Variants in HS3ST4 observed in about 807,000 individuals in gnomAD.
HS3ST4 encodes heparan sulfate-glucosamine 3-sulfotransferase 4.
In HS3ST4, 17 loss-of-function variants were observed where a neutral mutation model predicts 29.2. The ratio of observed to expected loss-of-function variants is 0.58; its 90% CI spans 0.40 to 0.87. The LOEUF (loss-of-function observed/expected upper bound fraction) is 0.87, where lower values mean the gene tolerates loss of function less well. Ranked by LOEUF, HS3ST4 falls within the 40% of genes least tolerant of loss-of-function variation. The pLI is 0.00. For synonymous variants in HS3ST4, 314 were observed against 285.7 expected (o/e 1.10, Z -1.00); for missense variants, 627 against 634.5 (o/e 0.99, Z 0.13).
chr16:26,125,588 A>T (rs971115920), intron 1 of HS3ST4, among the ~76,000 whole-genome samples: 1 of 152,244 alleles, frequency 6.6e-6, no homozygotes, highest in Admixed American at 6.5e-5. Flanking sequence ...CAAGAAAAGC[A>T]TGGAAATAAT....
intron 1 of HS3ST4, among the ~76,000 whole-genome samples, chr16:26,102,002 T>C (rs1191292518): frequency 6.6e-6 from 1 of 152,208 alleles, no homozygotes; most frequent in Admixed American, 6.5e-5. Context: ...GTTTTCCAAA[T>C]GCACTACATT....
chr16:25,930,477 C>T (rs1032493696), intron 1 of HS3ST4, among the ~76,000 whole-genome samples: 2 of 152,184 alleles, frequency 1.3e-5, no homozygotes, highest in African/African-American at 4.8e-5. Context: ...CTTTCTTTGC[C>T]TAATGCTTTA....
chr16:26,123,222 A>G (rs1325135583), intron 1 of HS3ST4, among the ~76,000 whole-genome samples: 1 of 152,192 alleles, frequency 6.6e-6, no homozygotes, highest in Non-Finnish European at 1.5e-5. Context: ...TCTTATAAAT[A>G]AATAAGAGAT....
At chr16:25,998,096 C>G (rs1969172739) in intron 1 of HS3ST4, among the ~76,000 whole-genome samples, 1 of 151,812 alleles carries the variant, frequency 6.6e-6, no homozygotes, top group African/African-American at 2.4e-5. Flanking sequence ...AACAAACAAA[C>G]AAAAACACCT....
At chr16:25,976,967 T>G (rs1040929172) in intron 1 of HS3ST4, among the ~76,000 whole-genome samples, 1 of 152,176 alleles carries the variant, frequency 6.6e-6, no homozygotes, top group South Asian at 2.1e-4. Context: ...ATGTTTAAAC[T>G]ATTTAATAAT....
At chr16:25,945,032 A>G (rs1451969765) in intron 1 of HS3ST4, among the ~76,000 whole-genome samples, 4 of 152,230 alleles carry the variant, frequency 2.6e-5, no homozygotes, top group Non-Finnish European at 5.9e-5. Context: ...ACAAAACAGA[A>G]TATTAGATAG....
chr16:26,034,706 A>T (rs1234570780), intron 1 of HS3ST4, among the ~76,000 whole-genome samples: 1 of 151,776 alleles, frequency 6.6e-6, no homozygotes, highest in East Asian at 1.9e-4. Flanking sequence ...AGGATTTTGG[A>T]TTACAGATGT....
At chr16:26,060,017 A>G (rs550211527) in intron 1 of HS3ST4, among the ~76,000 whole-genome samples, 1 of 152,206 alleles carries the variant, frequency 6.6e-6, no homozygotes, top group African/African-American at 2.4e-5. Flanking sequence ...TGACCTTGTG[A>G]TCTGCCCGCC....
intron 1 of HS3ST4, among the ~76,000 whole-genome samples, chr16:26,068,658 G>T (rs533849454): frequency 6.6e-6 from 1 of 151,904 alleles, no homozygotes; most frequent in African/African-American, 2.4e-5. Flanking sequence ...TCAAGTGGTC[G>T]TTTGACTTTT....
chr16:25,817,482 G>T (rs544656653), intron 1 of HS3ST4, among the ~76,000 whole-genome samples: 34 of 152,288 alleles, frequency 2.2e-4, no homozygotes, highest in African/African-American at 7.9e-4. Context: ...ATATGTCTGT[G>T]TTCTAATAAA....
chr16:26,054,691 G>T (rs1207055978), intron 1 of HS3ST4, among the ~76,000 whole-genome samples: 1 of 152,174 alleles, frequency 6.6e-6, no homozygotes, highest in Non-Finnish European at 1.5e-5. Flanking sequence ...TCAGGGTCCA[G>T]AGTTTCAAGA....
chr16:26,110,139 A>G (rs1596684539), intron 1 of HS3ST4, among the ~76,000 whole-genome samples: 2 of 152,162 alleles, frequency 1.3e-5, no homozygotes. Flanking sequence ...AAGTAAGATC[A>G]TGAGGTATTT....
At chr16:25,776,799 C>G (rs1474898290) in intron 1 of HS3ST4, among the ~76,000 whole-genome samples, 2 of 152,174 alleles carry the variant, frequency 1.3e-5, no homozygotes, top group African/African-American at 4.8e-5. Context: ...TCTCTCCTGG[C>G]CTCGACAATG....
chr16:26,047,123 T>C (rs1057353249), intron 1 of HS3ST4, among the ~76,000 whole-genome samples: 63 of 152,246 alleles, frequency 4.1e-4, no homozygotes, highest in Non-Finnish European at 1.3e-4. Flanking sequence ...CCTGCATAAG[T>C]GTAGGAAGTA....
At chr16:26,120,119 G>A (rs1363535329) in intron 1 of HS3ST4, among the ~76,000 whole-genome samples, 1 of 151,534 alleles carries the variant, frequency 6.6e-6, no homozygotes, top group African/African-American at 2.4e-5. Context: ...TACTCTACAG[G>A]GAATTAGCAT....
chr16:26,090,997 A>G (rs1261298897), intron 1 of HS3ST4, among the ~76,000 whole-genome samples: 18 of 152,216 alleles, frequency 1.2e-4, no homozygotes, highest in Non-Finnish European at 5.9e-5. Flanking sequence ...ATTACCCTGG[A>G]TAATTCCTTA....
chr16:26,059,310 CCT>C (rs1898447932), intron 1 of HS3ST4, among the ~76,000 whole-genome samples: 1 of 152,052 alleles, frequency 6.6e-6, no homozygotes, highest in Admixed American at 6.6e-5. Context: ...TCCCTCCCCT[CCT>C]CTCTCCTTGC....
intron 1 of HS3ST4, among the ~76,000 whole-genome samples, chr16:26,092,772 G>A (rs948516941): frequency 2.6e-5 from 4 of 152,170 alleles, no homozygotes; most frequent in Non-Finnish European, 4.4e-5. Flanking sequence ...AGGGTGAGCT[G>A]AAGCAGGGCG....
intron 1 of HS3ST4, among the ~76,000 whole-genome samples, chr16:26,132,474 C>A (rs1277101031): frequency 6.7e-6 from 1 of 148,654 alleles, no homozygotes; most frequent in African/African-American, 2.6e-5. Context: ...GTCTCCAAAG[C>A]CTTCTGCAAT....
Sources: gnomAD v4.1 joint callset for allele counts (sites outside exome capture counted in the v4.1 genomes callset) on GRCh38, gnomAD v4.1.1 for gene constraint, MANE v1.5 for transcripts, NCBI Gene and HGNC (gene_info 2026-07-23, HGNC 2026-07-21) for gene names.